Variants in CHN2 observed in about 807,000 individuals in gnomAD.
CHN2 encodes the protein beta-chimaerin.
CHN2 carries 35 observed loss-of-function variants against 56.3 expected under a neutral mutation model. The ratio of observed to expected loss-of-function variants is 0.62; its 90% CI spans 0.47 to 0.82. The LOEUF is 0.82. Among genes scored for constraint, CHN2 ranks in the 40% least tolerant of loss-of-function variants. CHN2 has a pLI of 0.00. For missense variants in CHN2, 491 were observed against 580.5 expected (o/e 0.85, Z 1.58); for synonymous variants, 210 against 212.8 (o/e 0.99, Z 0.12).
intron 4 of CHN2, 113 bp downstream of exon 4, chr7:29,393,823 A>G: frequency 2.9e-6 from 1 of 345,448 alleles, no homozygotes; most frequent in Non-Finnish European, 4.9e-6. Context: ...CTATTGTGCA[A>G]GAGTTTAATG....
At chr7:29,412,318 G>GTTTT (rs1163888411) in intron 6 of CHN2, among the ~76,000 whole-genome samples, 1 of 108,290 alleles carries the variant, frequency 9.2e-6, no homozygotes, top group African/African-American at 4.1e-5. Flanking sequence ...CTGCTAAAGA[G>GTTTT]TCTTTTTTTT....
chr7:29,388,233 G>A (rs1162661169), intron 3 of CHN2, among the ~76,000 whole-genome samples: 2 of 152,118 alleles, frequency 1.3e-5, no homozygotes, highest in East Asian at 3.9e-4. Context: ...CAGAAATCCT[G>A]GAAATAGGTG....
chr7:29,263,153 C>T (rs920266470), intron 1 of CHN2, among the ~76,000 whole-genome samples: 2 of 152,128 alleles, frequency 1.3e-5, no homozygotes, highest in African/African-American at 2.4e-5. Context: ...CTCAGCCTGC[C>T]GAGTGCCTGG....
At chr7:29,377,107 A>T (rs1415358965) in intron 3 of CHN2, among the ~76,000 whole-genome samples, 1 of 152,100 alleles carries the variant, frequency 6.6e-6, no homozygotes, top group Non-Finnish European at 1.5e-5. Flanking sequence ...GGCTCACTGC[A>T]ACTTCCGCCT....
At chr7:29,488,598 G>T (rs146629807) in intron 7 of CHN2, among the ~76,000 whole-genome samples, 214 of 152,296 alleles carry the variant, frequency 1.4e-3, no homozygotes, top group African/African-American at 4.9e-3. Flanking sequence ...ATAAAATTCT[G>T]ATTTTTAATA....
intron 2 of CHN2, among the ~76,000 whole-genome samples, chr7:29,168,234 AC>A (rs2128721169): frequency 6.6e-6 from 1 of 152,202 alleles, no homozygotes; most frequent in East Asian, 1.9e-4. Context: ...GTTTGTTTAA[AC>A]CATCTTTCAA....
rs578158404 is a variant in CHN2, at chr7:29,404,621, T to C, written c.576+3793T>C. ...TATGGGCTGATGTGGAATGGGCACT[T>C]GGAATCGTTATATGGAAAAGTACCT... On this transcript the variant is annotated intron_variant, in intron 6 of 12. Transcript: ENST00000222792. Among the ~76,000 whole-genome samples the C allele has an allele frequency of 5.3e-5, 8 of 152,290 alleles. No homozygotes were observed. The East Asian group carries it at 1.5e-3, about 29-fold the overall frequency.
chr7:29,485,487 G>C (rs925196524), intron 7 of CHN2, among the ~76,000 whole-genome samples: 26 of 152,214 alleles, frequency 1.7e-4, no homozygotes, highest in Non-Finnish European at 2.9e-5. Flanking sequence ...GCTCCCTAGT[G>C]CTGGAGATCC....
chr7:29,177,560 C>CTTTTTTTTTT (rs200237886), intron 2 of CHN2, among the ~76,000 whole-genome samples: 2 of 146,746 alleles, frequency 1.4e-5, no homozygotes, highest in African/African-American at 5.0e-5. Flanking sequence ...GGCCCCCTCA[C>CTTTTTTTTTT]TTTTTTTTTT....
intron 3 of CHN2, among the ~76,000 whole-genome samples, chr7:29,387,254 G>A (rs1440455839): frequency 6.6e-6 from 1 of 152,120 alleles, no homozygotes; most frequent in East Asian, 1.9e-4. Flanking sequence ...CTGTGAAACA[G>A]CCTTATTAAA....
At chr7:29,387,934 T>C (rs184807255) in intron 3 of CHN2, among the ~76,000 whole-genome samples, 3 of 152,358 alleles carry the variant, frequency 2.0e-5, no homozygotes, top group African/African-American at 7.2e-5. Context: ...CACACAAATA[T>C]ACCTACTCAT....
intron 1 of CHN2, among the ~76,000 whole-genome samples, chr7:29,214,772 CT>C (rs1785214811): frequency 6.6e-6 from 1 of 152,200 alleles, no homozygotes; most frequent in Non-Finnish European, 1.5e-5. Flanking sequence ...AATATTTTAT[CT>C]ATGAAACTTG....
At chr7:29,401,510 T>C (rs1802206347) in intron 6 of CHN2, among the ~76,000 whole-genome samples, 1 of 152,128 alleles carries the variant, frequency 6.6e-6, no homozygotes, top group Non-Finnish European at 1.5e-5. Flanking sequence ...GCCGGCCAAA[T>C]ACGTGGTATT....
intron 11 of CHN2, among the ~76,000 whole-genome samples, chr7:29,508,363 A>C (rs1202780646): frequency 6.6e-6 from 1 of 151,688 alleles, no homozygotes; most frequent in Non-Finnish European, 1.5e-5. Context: ...ATGACACGGA[A>C]GTCAAGCTCA....
intron 1 of CHN2, among the ~76,000 whole-genome samples, chr7:29,349,920 T>C (rs1193882660): frequency 6.6e-6 from 1 of 152,228 alleles, no homozygotes; most frequent in Non-Finnish European, 1.5e-5. Flanking sequence ...ATCTTGTCAC[T>C]ATTTCCAGTA....
chr7:29,401,849 T>G (rs1211937056), intron 6 of CHN2, among the ~76,000 whole-genome samples: 1 of 152,102 alleles, frequency 6.6e-6, no homozygotes, highest in East Asian at 1.9e-4. Flanking sequence ...TGCTAGCAGA[T>G]TTTTGGGATG....
At position 29,194,879 on chromosome 7, in the gene CHN2, A is replaced by G; in HGVS notation, c.-63A>G. 7.4e-7 allele frequency: 1 copy of G among 1,360,142 alleles called. No homozygotes were observed. The highest frequency in any genetic ancestry group is 9.5e-7 in the Non-Finnish European group (1 of 1,056,126). 84.3% of individuals were successfully genotyped at this position (1,360,142 alleles called of 1,614,324 possible). Reference sequence around the variant, plus strand: ...CGCGGAGGCTGCGAGCGGCCGGGCGAGGGCAGCGGCGGCGGCGTCCGCACC... The same window carrying G: ...CGCGGAGGCTGCGAGCGGCCGGGCGGGGGCAGCGGCGGCGGCGTCCGCACC... On this transcript the variant is annotated 5_prime_UTR_variant, in exon 1 of 13. Coordinates refer to ENST00000222792, the MANE Select transcript of CHN2 (RefSeq NM_004067.4).
At chr7:29,453,601 T>G (rs1182200229) in intron 6 of CHN2, among the ~76,000 whole-genome samples, 1 of 152,158 alleles carries the variant, frequency 6.6e-6, no homozygotes, top group Non-Finnish European at 1.5e-5. Context: ...GGGCTCATTT[T>G]CAGACAATCC....
chr7:29,185,870 G>A (rs562637880), intron 2 of CHN2, among the ~76,000 whole-genome samples: 6 of 152,254 alleles, frequency 3.9e-5, no homozygotes, highest in African/African-American at 9.6e-5. Flanking sequence ...TATATTAAAG[G>A]TTGCACAGCC....
Sources: gnomAD v4.1 joint callset for allele counts (sites outside exome capture counted in the v4.1 genomes callset) on GRCh38, gnomAD v4.1.1 for gene constraint, MANE v1.5 for transcripts, NCBI Gene and HGNC (gene_info 2026-07-23, HGNC 2026-07-21) for gene names.